METTL21C: variants seen among roughly 807,000 people sequenced by gnomAD.
METTL21C encodes methyltransferase 21C, AARS1 lysine.
METTL21C carries 21 observed loss-of-function variants against 25.9 expected under a neutral mutation model. The ratio of observed to expected loss-of-function variants is 0.81; its 90% CI spans 0.58 to 1.17. The LOEUF is 1.17. Ranked by LOEUF, METTL21C falls within the 50% of genes most tolerant of loss-of-function variation. METTL21C has a pLI of 0.00. For missense variants in METTL21C, 312 were observed against 315.1 expected, an observed-to-expected ratio of 0.99 and a Z score of 0.07; for synonymous variants, 125 against 124.7, an observed-to-expected ratio of 1.00 and a Z score of -0.01.
chr13:102,688,986 C>G (rs1885753731), intron 2 of METTL21C, among the ~76,000 whole-genome samples: 1 of 152,206 alleles, frequency 6.6e-6, no homozygotes, highest in African/African-American at 2.4e-5. Context: ...GTGCAGCTTT[C>G]AGGAAGCAGG....
At chr13:102,703,022 T>A in the METTL21C span, among the ~76,000 whole-genome samples, 1 of 152,224 alleles carries the variant, frequency 6.6e-6, no homozygotes, top group Non-Finnish European at 1.5e-5. Context: ...TACATGAAAC[T>A]GTCTTTTTCT....
chr13:102,685,919 G>C lies in METTL21C; in HGVS notation c.*112C>G, dbSNP rs1419430324. ...TGTTACATTTGTTCCAAGTATACAA[G>C]TTGTTTCTATGCACTACCTTCTCAA... On this transcript the variant is annotated 3_prime_UTR_variant, in exon 4 of 4. Coordinates refer to ENST00000267273, the MANE Select transcript of METTL21C (RefSeq NM_001010977.3). 3 of 1,047,208 alleles carry C rather than the reference G, an allele frequency of 2.9e-6. No homozygotes were observed. The highest frequency in any genetic ancestry group is 4.1e-6 in the Non-Finnish European group (3 of 738,408). 64.9% of individuals were successfully genotyped at this position (1,047,208 alleles called of 1,614,324 possible). A position where few individuals can be genotyped will look rare whatever the true frequency, so the allele number is the denominator to read the frequency against.
intron 2 of METTL21C, among the ~76,000 whole-genome samples, chr13:102,688,471 G>A (rs995611436): frequency 6.6e-6 from 1 of 152,192 alleles, no homozygotes; most frequent in African/African-American, 2.4e-5. Flanking sequence ...CAGAGCCGCC[G>A]AGGAGTCTGG....
chr13:102,698,951 C>T (rs1885990139), upstream of METTL21C, among the ~76,000 whole-genome samples: 1 of 152,158 alleles, frequency 6.6e-6, no homozygotes, highest in Admixed American at 6.5e-5. Context: ...TTGAAGGTCA[C>T]AACTGCAGTC....
the METTL21C span, among the ~76,000 whole-genome samples, chr13:102,703,386 T>C: frequency 2.6e-5 from 4 of 152,226 alleles, no homozygotes; most frequent in Admixed American, 1.3e-4. Context: ...AGTTAATTCA[T>C]TGGTGTTCTT....
At chr13:102,702,119 G>A in the METTL21C span, among the ~76,000 whole-genome samples, 7 of 151,472 alleles carry the variant, frequency 4.6e-5, no homozygotes, top group African/African-American at 1.7e-4. Flanking sequence ...AGCTGAGATC[G>A]TGCCCTTGCA....
At chr13:102,702,023 G>C in the METTL21C span, among the ~76,000 whole-genome samples, 1 of 152,032 alleles carries the variant, frequency 6.6e-6, no homozygotes, top group Non-Finnish European at 1.5e-5. Context: ...AATTAGTCTG[G>C]TGTGGTGGCG....
chr13:102,688,496 G>A (rs544724412), intron 2 of METTL21C, among the ~76,000 whole-genome samples: 112 of 152,334 alleles, frequency 7.4e-4, no homozygotes, highest in African/African-American at 2.5e-3. Context: ...ACTTCATGGG[G>A]CCGGGGAGAA....
At chr13:102,698,046 AC>A, upstream of METTL21C, among the ~76,000 whole-genome samples, 1 of 152,212 alleles carries the variant, frequency 6.6e-6, no homozygotes, top group Non-Finnish European at 1.5e-5. Context: ...AGTATCTGCT[AC>A]AGCTTCATAA....
chr13:102,691,045 G>A (rs1595244596), intron 1 of METTL21C, 81 bp from the exon 2 acceptor site: 1 of 1,474,252 alleles, frequency 6.8e-7, no homozygotes, highest in South Asian at 1.2e-5. Flanking sequence ...TTGCTAAGAT[G>A]GCATTAGATT....
intron 2 of METTL21C, among the ~76,000 whole-genome samples, chr13:102,690,056 G>A (rs1425611178): frequency 3.3e-5 from 5 of 152,162 alleles, no homozygotes; most frequent in African/African-American, 1.2e-4. Flanking sequence ...CAGGGCTGTG[G>A]CAGGGGTGAC....
rs761631438 is a variant in METTL21C, at chr13:102,686,046, T to C, written c.780A>G (p.Ile260Met). 6.3e-7 allele frequency: 1 copy of C among 1,579,300 alleles called. No homozygotes were observed. The highest frequency in any genetic ancestry group is 1.8e-5 in the Admixed American group (1 of 56,790). ...TTTGTTGGATTTAGTCCCATTTTAG[T>C]ATCCCCTTAAAAAGTTTGACTGATG... Reference protein sequence around the residue: ...PESSVKLFKGILKWD With the variant: ...PESSVKLFKGMLKWD Residue 260 changes from isoleucine (I) to methionine (M), a missense_variant, in exon 4 of 4, where the codon ATA (isoleucine) becomes ATG (methionine). Coordinates refer to ENST00000267273, the MANE Select transcript of METTL21C (RefSeq NM_001010977.3).
the METTL21C span, among the ~76,000 whole-genome samples, chr13:102,700,596 G>T: frequency 6.6e-6 from 1 of 152,200 alleles, no homozygotes; most frequent in Non-Finnish European, 1.5e-5. Context: ...GGATGAGAAA[G>T]TCTGACACTG....
At chr13:102,699,328 T>C (rs139436827), upstream of METTL21C, among the ~76,000 whole-genome samples, 813 of 152,290 alleles carry the variant, frequency 5.3e-3, 12 homozygotes, top group Middle Eastern at 0.01. Flanking sequence ...CTAGATGATG[T>C]CCATTTCTTC....
At chr13:102,688,131 A>G (rs1042989422) in intron 2 of METTL21C, among the ~76,000 whole-genome samples, 1 of 152,220 alleles carries the variant, frequency 6.6e-6, no homozygotes, top group Non-Finnish European at 1.5e-5. Flanking sequence ...GGCCCTAGCT[A>G]AAGATATGCC....
chr13:102,700,299 G>A, the METTL21C span, among the ~76,000 whole-genome samples: 1 of 152,160 alleles, frequency 6.6e-6, no homozygotes, highest in Non-Finnish European at 1.5e-5. Flanking sequence ...CTGATCAAAG[G>A]CCAGTGTGTT....
the METTL21C span, among the ~76,000 whole-genome samples, chr13:102,701,233 G>C: frequency 6.6e-6 from 1 of 152,040 alleles, no homozygotes; most frequent in South Asian, 2.1e-4. Context: ...GCAACAGAGA[G>C]CCTGTTCCTT....
At chr13:102,689,456 C>A (rs977896749) in intron 2 of METTL21C, among the ~76,000 whole-genome samples, 4 of 152,218 alleles carry the variant, frequency 2.6e-5, no homozygotes, top group African/African-American at 9.6e-5. Context: ...TTTGGCTACC[C>A]TTCTCCCCAT....
chr13:102,700,529 G>A, the METTL21C span, among the ~76,000 whole-genome samples: 32 of 152,200 alleles, frequency 2.1e-4, no homozygotes, highest in Non-Finnish European at 4.1e-4. Context: ...TTGCAGCTGA[G>A]CTATAAGCAT....
Sources: gnomAD v4.1 joint callset for allele counts (sites outside exome capture counted in the v4.1 genomes callset) on GRCh38, gnomAD v4.1.1 for gene constraint, MANE v1.5 for transcripts, NCBI Gene and HGNC (gene_info 2026-07-23, HGNC 2026-07-21) for gene names.